TMEM132B: variants seen among roughly 807,000 people sequenced by gnomAD.
The protein encoded by TMEM132B is transmembrane protein 132B.
In TMEM132B, 18 loss-of-function variants were observed where a neutral mutation model predicts 90.8. The observed-to-expected ratio is 0.20, with a 90% confidence interval of 0.14 to 0.29. TMEM132B has a LOEUF of 0.29. TMEM132B is among the 10% of genes least tolerant of loss of function. The probability of loss-of-function intolerance (pLI) is 1.00; values close to 1 mark genes in which losing one functional copy is unlikely to be tolerated. For missense variants in TMEM132B, 1,096 were observed against 1,326.8 expected, an observed-to-expected ratio of 0.83 and a Z score of 2.70; for synonymous variants, 504 against 523.3, an observed-to-expected ratio of 0.96 and a Z score of 0.50.
At chr12:125,302,136 G>T (rs1270929298) in intron 1 of TMEM132B, among the ~76,000 whole-genome samples, 1 of 151,990 alleles carries the variant, frequency 6.6e-6, no homozygotes, top group East Asian at 1.9e-4. Flanking sequence ...GGAGGCGGAG[G>T]TTGCAGTGAG....
At chr12:125,216,844 G>T (rs1873448423) in intron 1 of TMEM132B, among the ~76,000 whole-genome samples, 6 of 152,182 alleles carry the variant, frequency 3.9e-5, no homozygotes, top group Admixed American at 2.0e-4. Context: ...GGTCCACGGA[G>T]GCAGCAAGCT....
intron 1 of TMEM132B, among the ~76,000 whole-genome samples, chr12:125,254,682 CT>C (rs71447039): frequency 0.023 from 3,093 of 132,300 alleles, 104 homozygotes; most frequent in African/African-American, 0.077. Context: ...CCTCTTCCTA[CT>C]TTTTTTTTTT....
intron 1 of TMEM132B, among the ~76,000 whole-genome samples, chr12:125,315,396 A>G (rs1267029718): frequency 1.3e-5 from 2 of 152,122 alleles, no homozygotes; most frequent in Non-Finnish European, 2.9e-5. Flanking sequence ...ACGGGGTTTC[A>G]CCATGTTGGC....
chr12:125,648,109 T>A (rs1886813962), intron 6 of TMEM132B, among the ~76,000 whole-genome samples: 1 of 135,266 alleles, frequency 7.4e-6, no homozygotes, highest in Non-Finnish European at 1.5e-5. Context: ...TGTGACCATG[T>A]GATCTCATTG....
At position 125,246,913 on chromosome 12, in the gene TMEM132B, TG is replaced by T. The variant is rs915348952; in HGVS notation, c.67+60052del. On this transcript the variant is annotated intron_variant, in intron 1 of 8. Coordinates refer to ENST00000682704, the MANE Select transcript of TMEM132B (RefSeq NM_001366854.1). This position sits in a 1 kb window ranked among gnomAD's most constrained non-coding sequence, Gnocchi z 4.2. Reference sequence around the variant, plus strand: ...TCCCACCGGGAGAGCCTGGGGTTTGTGGGGGAGGTGGTGGGGGTAGGGGCAC... The same window carrying T: ...TCCCACCGGGAGAGCCTGGGGTTTGTGGGGAGGTGGTGGGGGTAGGGGCAC... Among the ~76,000 whole-genome samples, 8 of 151,246 alleles carry T rather than the reference TG, an allele frequency of 5.3e-5. 1 individual carries two copies. The highest frequency in any genetic ancestry group is 1.9e-4 in the African/African-American group (8 of 41,146).
intron 1 of TMEM132B, among the ~76,000 whole-genome samples, chr12:125,255,940 C>T (rs1448157588): frequency 6.6e-6 from 1 of 152,132 alleles, no homozygotes; most frequent in Admixed American, 6.5e-5. Context: ...CTGTTTTATG[C>T]TTCTGTTGTC....
chr12:125,484,191 T>G (rs1476251408), intron 3 of TMEM132B, among the ~76,000 whole-genome samples: 12 of 152,142 alleles, frequency 7.9e-5, no homozygotes, highest in African/African-American at 2.9e-4. Flanking sequence ...TGAGCCACTG[T>G]GCCTTGCTTA....
At chr12:125,609,673 C>T (rs144194337) in intron 5 of TMEM132B, among the ~76,000 whole-genome samples, 140 of 151,556 alleles carry the variant, frequency 9.2e-4, no homozygotes, top group African/African-American at 3.1e-3. Context: ...AAAAATTAGC[C>T]GGGCGTGGTG....
At chr12:125,389,055 C>CACACACAA (rs1339030734) in intron 2 of TMEM132B, among the ~76,000 whole-genome samples, 11 of 143,578 alleles carry the variant, frequency 7.7e-5, no homozygotes, top group African/African-American at 2.8e-4. Flanking sequence ...CACACACACA[C>CACACACAA]AAACACACAA....
intron 7 of TMEM132B, among the ~76,000 whole-genome samples, chr12:125,651,356 T>G (rs1434301723): frequency 6.6e-6 from 1 of 152,226 alleles, no homozygotes; most frequent in Non-Finnish European, 1.5e-5. Context: ...TTTAGTTGTA[T>G]CATACCTTGT....
chr12:125,604,021 TG>T (rs1197228714), intron 5 of TMEM132B, among the ~76,000 whole-genome samples: 11 of 152,314 alleles, frequency 7.2e-5, no homozygotes, highest in African/African-American at 2.6e-4. Context: ...GTTCAATCAT[TG>T]TGGAAGACAG....
intron 1 of TMEM132B, among the ~76,000 whole-genome samples, chr12:125,218,621 G>C (rs1232612613): frequency 6.6e-6 from 1 of 152,136 alleles, no homozygotes; most frequent in Non-Finnish European, 1.5e-5. Context: ...AGTACAAAAA[G>C]GTCAGTGTGA....
chr12:125,512,192 G>A (rs1882999424), intron 3 of TMEM132B, among the ~76,000 whole-genome samples: 1 of 152,218 alleles, frequency 6.6e-6, no homozygotes, highest in South Asian at 2.1e-4. Flanking sequence ...AGTGAGTAAA[G>A]TGGCTCAGGC....
intron 1 of TMEM132B, among the ~76,000 whole-genome samples, chr12:125,339,792 G>A (rs974258732): frequency 7.9e-5 from 12 of 152,018 alleles, no homozygotes; most frequent in African/African-American, 2.9e-4. Context: ...AAAAATATTT[G>A]CACCCCCCAA....
At chr12:125,470,830 A>G (rs778252227) in intron 3 of TMEM132B, among the ~76,000 whole-genome samples, 3 of 152,128 alleles carry the variant, frequency 2.0e-5, no homozygotes, top group East Asian at 1.9e-4. Context: ...CTAAGTGAAC[A>G]TTCTTCTCTG....
intron 1 of TMEM132B, among the ~76,000 whole-genome samples, chr12:125,192,620 G>A (rs1013199684): frequency 6.6e-6 from 1 of 152,190 alleles, no homozygotes; most frequent in Non-Finnish European, 1.5e-5. Context: ...TGGGATTATA[G>A]GTGTTGAGCC....
chr12:125,302,565 T>A (rs4765246), intron 1 of TMEM132B, among the ~76,000 whole-genome samples: 52 of 152,290 alleles, frequency 3.4e-4, no homozygotes, highest in Admixed American at 3.3e-3. Flanking sequence ...AGAGCTGGAT[T>A]TGAACCCAGG....
intron 1 of TMEM132B, among the ~76,000 whole-genome samples, chr12:125,317,831 T>G (rs550525683): frequency 6.6e-6 from 1 of 152,250 alleles, no homozygotes; most frequent in East Asian, 1.9e-4. Context: ...GGGTGTTTTT[T>G]CCCCTTAAAC....
At chr12:125,650,239 A>C (rs1041004620) in intron 6 of TMEM132B, among the ~76,000 whole-genome samples, 2 of 152,104 alleles carry the variant, frequency 1.3e-5, no homozygotes, top group African/African-American at 4.8e-5. Flanking sequence ...GAAAGGGGCC[A>C]GCTGTTCCTA....
Sources: gnomAD v4.1 joint callset for allele counts (sites outside exome capture counted in the v4.1 genomes callset) on GRCh38, gnomAD v4.1.1 for gene constraint, Gnocchi (gnomAD v3.1) non-coding constraint, MANE v1.5 for transcripts, NCBI Gene and HGNC (gene_info 2026-07-23, HGNC 2026-07-21) for gene names.